NUP107: variants seen among roughly 807,000 people sequenced by gnomAD.
The protein encoded by NUP107 is nucleoporin 107, also known as nuclear pore complex protein Nup107.
In NUP107, 101 loss-of-function variants were observed where a neutral mutation model predicts 141.0. The observed-to-expected ratio is 0.72, with a 90% CI of 0.61 to 0.84. The LOEUF (loss-of-function observed/expected upper bound fraction) is 0.84. Ranked by LOEUF, NUP107 falls within the 40% of genes least tolerant of loss-of-function variation. The pLI, the probability that NUP107 is intolerant of heterozygous loss-of-function variation, is 0.00. For synonymous variants in NUP107, 319 were observed against 363.9 expected, an observed-to-expected ratio of 0.88 and a Z score of 1.41; for missense variants, 941 against 1,102.7, an observed-to-expected ratio of 0.85 and a Z score of 2.08.
rs10713889 is a variant in NUP107 at position 68,736,717 on chromosome 12, C to CTTTT, written c.2502+1392_2502+1395dup. Among the ~76,000 whole-genome samples, 389 of 105,852 alleles carry CTTTT rather than the reference C, an allele frequency of 3.7e-3. 7 individuals are homozygous for CTTTT. Among genetic ancestry groups the CTTTT allele is most frequent in the Non-Finnish European group, 5.9e-3 (320 of 54,286 alleles). 69.4% of individuals were successfully genotyped at this position (105,852 alleles called of 152,430 possible). A position where few individuals can be genotyped will look rare whatever the true frequency, so the allele number is the denominator to read the frequency against. ...CAGGCATGAGTCAATGTGTCGCCAC[C>CTTTT]TTTTTTTTTTTTTTTTTTTTTTGAG... On this transcript the variant is annotated intron_variant, in intron 26 of 27. Coordinates refer to ENST00000229179, the MANE Select transcript of NUP107 (RefSeq NM_020401.4).
chr12:68,717,293 A>G (rs35814059), intron 12 of NUP107, among the ~76,000 whole-genome samples: 4,629 of 152,268 alleles, frequency 0.03, 93 homozygotes, highest in African/African-American at 0.047. Context: ...AAAACCACAG[A>G]TAGTGAGTGT....
rs138610433 is a variant in NUP107, at chr12:68,727,567, G to C, written c.1734+178G>C. Among the ~76,000 whole-genome samples, 212 of 151,968 alleles carry C rather than the reference G, an allele frequency of 1.4e-3. 2 individuals are homozygous for C. In the East Asian group the frequency reaches 0.03, roughly 22 times the overall value. ...AGGGATTAGGAAAACAACCCCCACC[G>C]CCCCGCACAATCAAAAATTCACTAT... On this transcript the variant is annotated intron_variant, in intron 20 of 27. Coordinates refer to ENST00000229179, the MANE Select transcript of NUP107 (RefSeq NM_020401.4).
In NUP107 at chr12:68,694,827, G is replaced by A. The variant is rs189085073; in HGVS notation, c.449-1992G>A. 5.8e-4 allele frequency among the ~76,000 whole-genome samples: 89 copies of A among 152,276 alleles called. 1 individual carries two copies. The highest frequency in any genetic ancestry group is 1.1e-3 in the Non-Finnish European group (76 of 68,030). ...GAGGCAGGAGACTCGCTTGAGCCCG[G>A]GAGGCAGAGGTTGCGGTGAGCTGAG... On this transcript the variant is annotated intron_variant, in intron 5 of 27. Coordinates refer to ENST00000229179, the MANE Select transcript of NUP107 (RefSeq NM_020401.4).
In NUP107 at chr12:68,721,211, T is replaced by G. The variant is rs1465164062; in HGVS notation, c.1311+34T>G. 2.1e-6 allele frequency: 3 copies of G among 1,410,418 alleles called. No individual in the cohort carries two copies. In the South Asian group the frequency reaches 3.7e-5, roughly 17 times the overall value. 87.4% of individuals were successfully genotyped at this position (1,410,418 alleles called of 1,614,324 possible). On this transcript the variant is annotated intron_variant, in intron 15 of 27. Transcript: ENST00000229179. ...TCTGTTTTAATGTTTAAATTTTTTCTGTGGAGTAAAATTAAATAAAATATT... is the reference window on the plus strand; with the variant it reads ...TCTGTTTTAATGTTTAAATTTTTTCGGTGGAGTAAAATTAAATAAAATATT...
intron 5 of NUP107, among the ~76,000 whole-genome samples, chr12:68,692,982 A>G (rs2135998861): frequency 6.6e-6 from 1 of 152,010 alleles, no homozygotes. Context: ...ACTCCTGACC[A>G]TGGGTGATCC....
At chr12:68,714,831 T>C (rs1328571122) in intron 11 of NUP107, among the ~76,000 whole-genome samples, 1 of 152,258 alleles carries the variant, frequency 6.6e-6, no homozygotes, top group Non-Finnish European at 1.5e-5. Context: ...TAGGCATTGG[T>C]GTTTTTTATG....
At position 68,734,809 on chromosome 12, in the gene NUP107, T is replaced by A. The variant is rs1317657321; in HGVS notation, c.2364T>A (p.His788Gln). The change falls in exon 25 of 28, where the codon CAT (histidine) becomes CAA (glutamine). Residue 788 changes from histidine to glutamine, a missense_variant. His to Gln is a conservative substitution (Grantham distance 24, BLOSUM62 0). Coordinates refer to ENST00000229179, the MANE Select transcript of NUP107 (RefSeq NM_020401.4). Reference protein sequence around the residue: ...PQPTFTEKVAHEHKEKKYEMD... With the variant: ...PQPTFTEKVAQEHKEKKYEMD... Reference sequence around the variant, plus strand: ...CAACTTTTACTGAGAAAGTGGCTCATGAACACAAAGAAAAGAAATATGAAG... The same window carrying A: ...CAACTTTTACTGAGAAAGTGGCTCAAGAACACAAAGAAAAGAAATATGAAG... 1 of 1,612,706 alleles carries A rather than the reference T, an allele frequency of 6.2e-7. No homozygotes were observed. The highest frequency in any genetic ancestry group is 8.5e-7 in the Non-Finnish European group (1 of 1,179,644).
chr12:68,706,499 A>C, intron 8 of NUP107: 1 of 690,924 alleles, frequency 1.4e-6, no homozygotes, highest in Non-Finnish European at 2.7e-6. Flanking sequence ...GAGGAGCTGC[A>C]GACGCTGGCT....
chr12:68,688,022 G>T (rs1225341791), intron 1 of NUP107, among the ~76,000 whole-genome samples: 3 of 152,096 alleles, frequency 2.0e-5, no homozygotes, highest in Non-Finnish European at 2.9e-5. Context: ...ATTCAGAGGT[G>T]CTAGGATATG....
chr12:68,739,166 C>T (rs1878211204), intron 26 of NUP107, among the ~76,000 whole-genome samples: 1 of 152,116 alleles, frequency 6.6e-6, no homozygotes, highest in South Asian at 2.1e-4. Flanking sequence ...ACCCAACCAC[C>T]CTATTTAAAA....
intron 1 of NUP107, 88 bp downstream of exon 1, chr12:68,687,161 G>A: frequency 4.4e-6 from 7 of 1,574,398 alleles, no homozygotes; most frequent in Non-Finnish European, 6.1e-6. Flanking sequence ...ACTCCCAGAA[G>A]AAGCCAAGGA....
intron 17 of NUP107, among the ~76,000 whole-genome samples, chr12:68,723,654 A>G (rs897215233): frequency 6.6e-6 from 1 of 152,176 alleles, no homozygotes; most frequent in Non-Finnish European, 1.5e-5. Flanking sequence ...GTGGCAGTTA[A>G]TTCATACTTC....
chr12:68,740,168 T>C (rs886116671), intron 26 of NUP107: 2 of 152,208 alleles, frequency 1.3e-5, no homozygotes, highest in Non-Finnish European at 2.9e-5. Flanking sequence ...CTGCTGCTTT[T>C]CGGGCAACAA....
intron 26 of NUP107, among the ~76,000 whole-genome samples, chr12:68,738,705 A>G (rs1378494083): frequency 1.3e-5 from 2 of 152,190 alleles, no homozygotes; most frequent in Non-Finnish European, 2.9e-5. Context: ...GAGGAATGGC[A>G]GAGAGAATGG....
intron 7 of NUP107, among the ~76,000 whole-genome samples, 164 bp downstream of exon 7, chr12:68,701,017 A>G (rs780041584): frequency 9.2e-5 from 14 of 152,236 alleles, no homozygotes; most frequent in African/African-American, 1.4e-4. Context: ...AAGAGGGAAG[A>G]GGAAGATATC....
chr12:68,696,773 C>A, intron 5 of NUP107, 46 bp from the exon 6 acceptor site: 2 of 1,030,172 alleles, frequency 1.9e-6, no homozygotes, highest in South Asian at 1.5e-5. Flanking sequence ...AGAAGTACGT[C>A]ACTTAACTTT....
At chr12:68,738,785 T>C (rs534532296) in intron 26 of NUP107, among the ~76,000 whole-genome samples, 18 of 152,320 alleles carry the variant, frequency 1.2e-4, no homozygotes, top group African/African-American at 3.8e-4. Context: ...AAGCCTCTAC[T>C]GTCTTCCGTG....
chr12:68,705,309 TTGAC>T (rs778844233), intron 8 of NUP107, among the ~76,000 whole-genome samples: 3 of 152,092 alleles, frequency 2.0e-5, no homozygotes, highest in Non-Finnish European at 4.4e-5. Flanking sequence ...AGTGATGACT[TTGAC>T]TGTTTTTCCA....
chr12:68,690,888 T>G lies in NUP107; in HGVS notation c.303+142T>G. 9 of 717,776 alleles carry G rather than the reference T, an allele frequency of 1.3e-5. No homozygotes were observed. In the South Asian group the frequency reaches 1.6e-4, roughly 13 times the overall value. 44.5% of individuals were successfully genotyped at this position (717,776 alleles called of 1,614,324 possible). A position where few individuals can be genotyped will look rare whatever the true frequency, so the allele number is the denominator to read the frequency against. On this transcript the variant is annotated intron_variant, in intron 4 of 27. Coordinates refer to ENST00000229179, the MANE Select transcript of NUP107 (RefSeq NM_020401.4). The stretch of plus-strand genomic sequence containing the variant: ...AGAAGTCAGGAGTTTGAGACTAGCC[T>G]GCTTAGCATGATAAAACCCTGTCTC...
Sources: gnomAD v4.1 joint callset for allele counts (sites outside exome capture counted in the v4.1 genomes callset) on GRCh38, gnomAD v4.1.1 for gene constraint, MANE v1.5 for transcripts, NCBI Gene and HGNC (gene_info 2026-07-23, HGNC 2026-07-21) for gene names.